The following TRPM3 variants were observed in gnomAD, a reference collection of about 807,000 sequenced individuals.
TRPM3 encodes the protein long transient receptor potential channel 3.
TRPM3 carries 77 observed loss-of-function variants against 181.2 expected under a neutral mutation model. The ratio of observed to expected loss-of-function variants is 0.42; its 90% CI spans 0.35 to 0.51. TRPM3 has a LOEUF of 0.51. Ranked by LOEUF, TRPM3 falls within the 20% of genes least tolerant of loss-of-function variation. The pLI, the probability that TRPM3 is intolerant of heterozygous loss-of-function variation, is 0.01. For synonymous variants in TRPM3, 745 were observed against 796.4 expected (o/e 0.94, Z 1.09); for missense variants, 1,759 against 2,196.7 (o/e 0.80, Z 3.98).
chr9:71,243,631 C>A (rs1477679757), intron 1 of TRPM3, among the ~76,000 whole-genome samples: 1 of 152,092 alleles, frequency 6.6e-6, no homozygotes, highest in Non-Finnish European at 1.5e-5. Flanking sequence ...ATATTTTAAA[C>A]AAATGAATAG....
chr9:71,178,902 C>T (rs2077249345), intron 1 of TRPM3, among the ~76,000 whole-genome samples: 2 of 152,094 alleles, frequency 1.3e-5, no homozygotes, highest in Admixed American at 6.6e-5. Flanking sequence ...AGTAATTAAT[C>T]TATTTTATTC....
intron 9 of TRPM3, among the ~76,000 whole-genome samples, chr9:70,677,735 A>G (rs2064372203): frequency 6.6e-6 from 1 of 152,236 alleles, no homozygotes; most frequent in Admixed American, 6.5e-5. Flanking sequence ...TCACATAAAA[A>G]TAAGATCAAA....
chr9:70,854,933 C>T (rs2095347645), intron 3 of TRPM3, among the ~76,000 whole-genome samples: 1 of 152,070 alleles, frequency 6.6e-6, no homozygotes, highest in Admixed American at 6.6e-5. Flanking sequence ...ATTTTGAGTT[C>T]CAAACAACAA....
intron 1 of TRPM3, among the ~76,000 whole-genome samples, chr9:70,999,079 T>C (rs929805861): frequency 5.3e-5 from 8 of 152,092 alleles, no homozygotes; most frequent in Non-Finnish European, 2.9e-5. Context: ...TCAAGATGAG[T>C]TTCTCATTTT....
chr9:71,195,592 C>A (rs1252849070), intron 1 of TRPM3, among the ~76,000 whole-genome samples: 1 of 152,078 alleles, frequency 6.6e-6, no homozygotes, highest in Admixed American at 6.6e-5. Context: ...TTCAACCCAG[C>A]AATCCCATTA....
At chr9:71,274,226 A>G (rs1416165397) in intron 1 of TRPM3, among the ~76,000 whole-genome samples, 1 of 152,180 alleles carries the variant, frequency 6.6e-6, no homozygotes, top group East Asian at 1.9e-4. Context: ...ATAGTCTCCA[A>G]GTGGATTTCA....
intron 8 of TRPM3, 95 bp from the exon 9 acceptor site, chr9:70,681,673 A>G: frequency 9.6e-7 from 1 of 1,038,010 alleles, no homozygotes; most frequent in Non-Finnish European, 1.5e-6. Context: ...CTATCTCTAT[A>G]TCTACAAAGT....
intron 1 of TRPM3, among the ~76,000 whole-genome samples, chr9:70,989,263 G>A (rs2097453173): frequency 6.6e-6 from 1 of 152,068 alleles, no homozygotes; most frequent in Non-Finnish European, 1.5e-5. Flanking sequence ...ACATAAATAA[G>A]AAATGACGGT....
At position 70,884,735 on chromosome 9, in the gene TRPM3, A is replaced by T. The variant is rs571221250; in HGVS notation, c.178-20224T>A. 2.0e-5 allele frequency among the ~76,000 whole-genome samples: 3 copies of T among 152,274 alleles called. No individual in the cohort carries two copies. The East Asian group carries it at 5.8e-4, about 29-fold the overall frequency. Reference sequence around the variant, plus strand: ...GGCATGTATTCTGCTAATTTAAGTGATTAAATATAAATTATGACAATCCTG... The same window carrying T: ...GGCATGTATTCTGCTAATTTAAGTGTTTAAATATAAATTATGACAATCCTG... On this transcript the variant is annotated intron_variant, in intron 1 of 25. Transcript: ENST00000677713.
At chr9:71,278,639 CTATT>C (rs1255786828) in intron 1 of TRPM3, among the ~76,000 whole-genome samples, 15 of 152,132 alleles carry the variant, frequency 9.9e-5, no homozygotes, top group African/African-American at 3.4e-4. Flanking sequence ...GGCTTACAAA[CTATT>C]TAGGTTGAAC....
At chr9:71,180,497 AAG>A (rs2077341502) in intron 1 of TRPM3, among the ~76,000 whole-genome samples, 1 of 152,154 alleles carries the variant, frequency 6.6e-6, no homozygotes. Flanking sequence ...CTCTATTTGA[AAG>A]CCATGTGACT....
intron 1 of TRPM3, among the ~76,000 whole-genome samples, chr9:71,345,655 G>A (rs771433741): frequency 1.5e-4 from 23 of 152,046 alleles, no homozygotes; most frequent in Non-Finnish European, 3.1e-4. Context: ...GGGTTGATGG[G>A]TGCAGCAAGC....
At chr9:71,336,460 A>G (rs2132573747) in intron 1 of TRPM3, among the ~76,000 whole-genome samples, 1 of 152,304 alleles carries the variant, frequency 6.6e-6, no homozygotes, top group South Asian at 2.1e-4. Flanking sequence ...AGAGGACACA[A>G]ACAAATGGAA....
chr9:71,341,607 A>G (rs1247507976), intron 1 of TRPM3, among the ~76,000 whole-genome samples: 1 of 152,106 alleles, frequency 6.6e-6, no homozygotes, highest in Non-Finnish European at 1.5e-5. Context: ...GAAGGGTAAG[A>G]CATGAGAACT....
chr9:71,129,762 C>T (rs1054136339), intron 1 of TRPM3, among the ~76,000 whole-genome samples: 2 of 152,112 alleles, frequency 1.3e-5, no homozygotes, highest in Non-Finnish European at 2.9e-5. Flanking sequence ...AAAGGAAAAA[C>T]AACCCAATGA....
intron 1 of TRPM3, among the ~76,000 whole-genome samples, chr9:70,958,029 A>G (rs2097097097): frequency 6.6e-6 from 1 of 152,230 alleles, no homozygotes; most frequent in Admixed American, 6.5e-5. Context: ...TTAGACATGG[A>G]ACCTTGCAAC....
chr9:70,659,514 T>A (rs765254979), intron 9 of TRPM3, among the ~76,000 whole-genome samples: 1 of 152,140 alleles, frequency 6.6e-6, no homozygotes, highest in Non-Finnish European at 1.5e-5. Flanking sequence ...AAAAAATAAT[T>A]ATTCTTGCAG....
At chr9:71,350,760 A>C (rs1173575674) in intron 1 of TRPM3, among the ~76,000 whole-genome samples, 1 of 152,182 alleles carries the variant, frequency 6.6e-6, no homozygotes. Context: ...ATCTAACTTC[A>C]AGTCATTTGC....
intron 1 of TRPM3, among the ~76,000 whole-genome samples, chr9:70,925,184 C>A (rs1161869435): frequency 6.6e-6 from 1 of 152,138 alleles, no homozygotes; most frequent in Non-Finnish European, 1.5e-5. Flanking sequence ...CAAATGATAA[C>A]TTTTGATTGA....
Sources: allele counts gnomAD v4.1 joint callset (sites outside exome capture counted in the v4.1 genomes callset), GRCh38; gene constraint gnomAD v4.1.1; transcripts MANE v1.5; gene names NCBI Gene and HGNC (gene_info 2026-07-23, HGNC 2026-07-21).